Variants in CSMD3 observed in about 807,000 individuals in gnomAD.
The protein encoded by CSMD3 is CUB and sushi domain-containing protein 3.
CSMD3 carries 177 observed loss-of-function variants against 435.2 expected under a neutral mutation model. That is an observed-to-expected ratio of 0.41 (90% confidence interval 0.36 to 0.46). The LOEUF (loss-of-function observed/expected upper bound fraction) is 0.46, where lower values mean the gene tolerates loss of function less well. Among genes scored for constraint, CSMD3 ranks in the 20% least tolerant of loss-of-function variants. The probability of loss-of-function intolerance (pLI) is 0.34; values close to 1 mark genes in which losing one functional copy is unlikely to be tolerated. For missense variants in CSMD3, 4,265 were observed against 4,504.6 expected (o/e 0.95, Z 1.52); for synonymous variants, 1,656 against 1,520.5 (o/e 1.09, Z -2.07).
chr8:112,657,509 ATT>A (rs1009577378), intron 17 of CSMD3, among the ~76,000 whole-genome samples: 24 of 152,316 alleles, frequency 1.6e-4, no homozygotes, highest in Middle Eastern at 3.4e-3. Flanking sequence ...TTTAAAACAT[ATT>A]AATTTATTTT....
intron 1 of CSMD3, among the ~76,000 whole-genome samples, chr8:113,397,310 C>T (rs1172315521): frequency 2.0e-5 from 3 of 151,978 alleles, no homozygotes; most frequent in Non-Finnish European, 4.4e-5. Flanking sequence ...TACGTTTCTT[C>T]TTTATGGTCT....
chr8:112,484,621 A>G (rs62516486), intron 31 of CSMD3, among the ~76,000 whole-genome samples: 1,589 of 152,162 alleles, frequency 0.01, 10 homozygotes, highest in Non-Finnish European at 0.017. Flanking sequence ...ACATCTTCGT[A>G]CAATGAGAAT....
intron 22 of CSMD3, among the ~76,000 whole-genome samples, chr8:112,625,577 T>C (rs1384573930): frequency 2.0e-5 from 3 of 152,066 alleles, no homozygotes; most frequent in Admixed American, 6.6e-5. Flanking sequence ...ATAAAAGCTA[T>C]CCATCACCTT....
intron 1 of CSMD3, among the ~76,000 whole-genome samples, chr8:113,326,611 T>G (rs890059549): frequency 2.0e-5 from 3 of 152,294 alleles, no homozygotes; most frequent in African/African-American, 7.2e-5. Context: ...AATGTGTAAG[T>G]GTTTTATCTA....
intron 6 of CSMD3, among the ~76,000 whole-genome samples, chr8:113,015,911 T>C (rs968234186): frequency 6.6e-6 from 1 of 151,764 alleles, no homozygotes; most frequent in African/African-American, 2.4e-5. Flanking sequence ...AACACCACAA[T>C]TAAAGAAAAG....
intron 38 of CSMD3, among the ~76,000 whole-genome samples, chr8:112,366,922 G>A (rs547248778): frequency 6.6e-6 from 1 of 152,010 alleles, no homozygotes; most frequent in Non-Finnish European, 1.5e-5. Context: ...GAGAAATAGA[G>A]TTCATATTTT....
At chr8:112,868,374 C>T (rs573957270) in intron 10 of CSMD3, among the ~76,000 whole-genome samples, 2 of 152,204 alleles carry the variant, frequency 1.3e-5, no homozygotes, top group African/African-American at 2.4e-5. Flanking sequence ...AATACTTAAA[C>T]CACTAACATA....
intron 10 of CSMD3, among the ~76,000 whole-genome samples, chr8:112,898,707 C>A (rs1024977013): frequency 1.3e-5 from 2 of 151,062 alleles, no homozygotes; most frequent in Non-Finnish European, 3.0e-5. Flanking sequence ...TGCATGCACA[C>A]CAACATGTAT....
At chr8:112,926,992 T>C (rs1254671999) in intron 9 of CSMD3, among the ~76,000 whole-genome samples, 1 of 152,078 alleles carries the variant, frequency 6.6e-6, no homozygotes, top group Non-Finnish European at 1.5e-5. Flanking sequence ...TGACAGATGA[T>C]CTAAAAATTA....
At chr8:112,550,011 A>C (rs180762247) in intron 27 of CSMD3, among the ~76,000 whole-genome samples, 1 of 152,154 alleles carries the variant, frequency 6.6e-6, no homozygotes. Flanking sequence ...ACAGCATTTA[A>C]ACATTTTAAG....
At chr8:113,263,162 C>T (rs974766229) in intron 3 of CSMD3, among the ~76,000 whole-genome samples, 21 of 151,724 alleles carry the variant, frequency 1.4e-4, no homozygotes, top group South Asian at 6.2e-4. Flanking sequence ...CTTTGTAACA[C>T]GTGAAATAAA....
chr8:112,370,059 A>C (rs1439829669), intron 38 of CSMD3, among the ~76,000 whole-genome samples: 1 of 119,546 alleles, frequency 8.4e-6, no homozygotes. Context: ...AAGAAGAAGA[A>C]GAAGAAGAAG....
At chr8:113,208,467 A>G (rs1046650135) in intron 3 of CSMD3, among the ~76,000 whole-genome samples, 2 of 152,198 alleles carry the variant, frequency 1.3e-5, no homozygotes, top group African/African-American at 4.8e-5. Flanking sequence ...TTTGAGAACT[A>G]TCTGGTACAT....
chr8:112,975,691 A>T, intron 7 of CSMD3, 146 bp downstream of exon 7: 1 of 1,192,098 alleles, frequency 8.4e-7, no homozygotes, highest in Non-Finnish European at 1.2e-6. Flanking sequence ...TTTGGTTGTT[A>T]CTATCCATAT....
intron 29 of CSMD3, among the ~76,000 whole-genome samples, chr8:112,506,315 A>T (rs1201707431): frequency 3.9e-5 from 6 of 152,174 alleles, no homozygotes; most frequent in African/African-American, 1.4e-4. Flanking sequence ...TGGCAGAAAA[A>T]GGAATTGTGC....
intron 5 of CSMD3, among the ~76,000 whole-genome samples, chr8:113,057,764 T>C (rs1226210077): frequency 6.6e-6 from 1 of 151,964 alleles, no homozygotes; most frequent in Non-Finnish European, 1.5e-5. Context: ...TCTACTTTTA[T>C]ATATCAGATG....
At chr8:112,256,747 C>A (rs1196465044) in intron 61 of CSMD3, among the ~76,000 whole-genome samples, 1 of 152,110 alleles carries the variant, frequency 6.6e-6, no homozygotes, top group Non-Finnish European at 1.5e-5. Flanking sequence ...TCAGATTAAG[C>A]ACCTGAAAGC....
chr8:112,704,142 T>TTCTC (rs372978462), intron 13 of CSMD3, among the ~76,000 whole-genome samples: 4 of 151,384 alleles, frequency 2.6e-5, no homozygotes, highest in Non-Finnish European at 5.9e-5. Flanking sequence ...ACATATTTAA[T>TTCTC]TCTCTCTCTC....
At chr8:112,287,398 C>A in intron 57 of CSMD3, 152 bp from the exon 58 acceptor site, 1 of 713,384 alleles carries the variant, frequency 1.4e-6, no homozygotes, top group South Asian at 1.6e-5. Flanking sequence ...TTATCTGACT[C>A]CAGTCATTAA....
Sources: allele counts gnomAD v4.1 joint callset (sites outside exome capture counted in the v4.1 genomes callset), GRCh38; gene constraint gnomAD v4.1.1; transcripts MANE v1.5; gene names NCBI Gene and HGNC (gene_info 2026-07-23, HGNC 2026-07-21).